The following PPP3CC variants were observed in gnomAD, a reference collection of about 807,000 sequenced individuals.
PPP3CC encodes the protein serine/threonine-protein phosphatase 2B catalytic subunit gamma isoform.
Under a neutral mutation model 60.3 loss-of-function variants are expected in PPP3CC, and 35 were observed. The ratio of observed to expected loss-of-function variants is 0.58; its 90% confidence interval spans 0.44 to 0.77. The LOEUF (loss-of-function observed/expected upper bound fraction) is 0.77, where lower values mean the gene tolerates loss of function less well. PPP3CC is among the 30% of genes least tolerant of loss of function. The pLI, the probability that PPP3CC is intolerant of heterozygous loss-of-function variation, is 0.00. For missense variants in PPP3CC, 570 were observed against 628.9 expected, an observed-to-expected ratio of 0.91 and a Z score of 1.00; for synonymous variants, 206 against 224.3, an observed-to-expected ratio of 0.92 and a Z score of 0.73.
At chr8:22,520,724 T>G (rs1385627589) in intron 6 of PPP3CC, among the ~76,000 whole-genome samples, 2 of 152,200 alleles carry the variant, frequency 1.3e-5, no homozygotes, top group African/African-American at 4.8e-5. Flanking sequence ...GCTTTCCTGA[T>G]TTTGTTTAGT....
chr8:22,521,176 C>G (rs1386377787), intron 6 of PPP3CC, among the ~76,000 whole-genome samples: 1 of 152,150 alleles, frequency 6.6e-6, no homozygotes, highest in Non-Finnish European at 1.5e-5. Context: ...ATGTTTGGGT[C>G]CAATCAGCAG....
intron 1 of PPP3CC, among the ~76,000 whole-genome samples, chr8:22,472,631 T>C (rs1195230724): frequency 6.6e-6 from 1 of 152,158 alleles, no homozygotes; most frequent in Non-Finnish European, 1.5e-5. Flanking sequence ...TTGGTTTATT[T>C]CTATTTTTCA....
intron 12 of PPP3CC, among the ~76,000 whole-genome samples, chr8:22,536,837 G>A (rs532425230): frequency 6.6e-6 from 1 of 152,334 alleles, no homozygotes; most frequent in South Asian, 2.1e-4. Flanking sequence ...ATATGGCCAT[G>A]TAACATACAT....
At position 22,540,803 on chromosome 8, in the gene PPP3CC, C is replaced by T. The variant is rs1839942750; in HGVS notation, c.*1C>T. 1.2e-6 allele frequency: 2 copies of T among 1,604,582 alleles called. No individual in the cohort carries two copies. The highest frequency in any genetic ancestry group is 2.7e-5 in the African/African-American group (2 of 74,766). ...CCAAGGGAAGAAAGCCCATTCATGA[C>T]TTAGAGTCCTGCCGTGGCTCAGGTG... On this transcript the variant is annotated 3_prime_UTR_variant, in exon 14 of 14. Coordinates refer to ENST00000240139, the MANE Select transcript of PPP3CC (RefSeq NM_005605.5).
chr8:22,485,090 T>C (rs1838185842), intron 3 of PPP3CC, among the ~76,000 whole-genome samples: 2 of 152,178 alleles, frequency 1.3e-5, no homozygotes, highest in African/African-American at 4.8e-5. Context: ...GAATGATCCT[T>C]ACGATGTTTG....
intron 1 of PPP3CC, among the ~76,000 whole-genome samples, chr8:22,450,809 TTATTTA>T (rs1481194443): frequency 1.3e-4 from 16 of 125,138 alleles, no homozygotes; most frequent in African/African-American, 4.7e-4. Context: ...TTTTATTTAT[TTATTTA>T]TTTATTTATT....
At chr8:22,457,372 G>A (rs1369523100) in intron 1 of PPP3CC, among the ~76,000 whole-genome samples, 2 of 150,376 alleles carry the variant, frequency 1.3e-5, no homozygotes, top group East Asian at 2.0e-4. Flanking sequence ...GCTGGATCTC[G>A]GCTCACTGCA....
intron 3 of PPP3CC, among the ~76,000 whole-genome samples, chr8:22,476,987 T>C (rs1333825391): frequency 2.0e-5 from 3 of 151,098 alleles, no homozygotes; most frequent in East Asian, 3.9e-4. Context: ...ATTCATTTAG[T>C]GTCAAATGTG....
At chr8:22,506,120 G>A (rs1838910108) in intron 4 of PPP3CC, among the ~76,000 whole-genome samples, 1 of 152,046 alleles carries the variant, frequency 6.6e-6, no homozygotes, top group Admixed American at 6.6e-5. Context: ...CTTTCAAATG[G>A]GAATTTCATC....
intron 3 of PPP3CC, among the ~76,000 whole-genome samples, chr8:22,485,557 G>T (rs1195752658): frequency 6.6e-6 from 1 of 152,154 alleles, no homozygotes; most frequent in African/African-American, 2.4e-5. Flanking sequence ...TGCAGAAGCC[G>T]TTAGAGGAGG....
At chr8:22,511,254 C>G in intron 5 of PPP3CC, 23 bp downstream of exon 5, 2 of 1,597,642 alleles carry the variant, frequency 1.3e-6, no homozygotes, top group African/African-American at 1.3e-5. Flanking sequence ...TTATTATTCT[C>G]ACAGGGAATA....
rs1289513360 is a variant in PPP3CC at position 22,472,549 on chromosome 8, C to G, written c.50-2405C>G. Among the ~76,000 whole-genome samples the G allele has an allele frequency of 5.3e-5, 8 of 152,032 alleles. 1 individual carries two copies. Among genetic ancestry groups the G allele is most frequent in the Non-Finnish European group, 7.4e-5 (5 of 68,022 alleles). On this transcript the variant is annotated intron_variant, in intron 1 of 13. Coordinates refer to ENST00000240139, the MANE Select transcript of PPP3CC (RefSeq NM_005605.5). ...GATAACAATACCTTCTTCTGGAAGT[C>G]CTCCTGAAGGACCTGCCTGAGGCTC...
intron 4 of PPP3CC, among the ~76,000 whole-genome samples, chr8:22,505,428 G>A (rs539156671): frequency 8.7e-4 from 133 of 152,230 alleles, no homozygotes; most frequent in African/African-American, 3.2e-3. Flanking sequence ...ATGACAACTG[G>A]ATTTTTTAAA....
At chr8:22,521,553 A>G (rs534556779) in intron 6 of PPP3CC, among the ~76,000 whole-genome samples, 4 of 152,232 alleles carry the variant, frequency 2.6e-5, no homozygotes, top group Admixed American at 6.5e-5. Context: ...TTACAATGGC[A>G]CTTATGGCCA....
intron 6 of PPP3CC, among the ~76,000 whole-genome samples, chr8:22,520,277 A>G (rs940512221): frequency 6.6e-6 from 1 of 152,060 alleles, no homozygotes; most frequent in Admixed American, 6.5e-5. Context: ...TTGAGTTTTA[A>G]CAACTTAATT....
intron 1 of PPP3CC, among the ~76,000 whole-genome samples, chr8:22,469,252 C>T (rs139060166): frequency 6.6e-6 from 1 of 152,052 alleles, no homozygotes; most frequent in Non-Finnish European, 1.5e-5. Flanking sequence ...AGACAAATAT[C>T]ATATATTCTC....
intron 3 of PPP3CC, among the ~76,000 whole-genome samples, chr8:22,480,207 C>T (rs1838019471): frequency 6.6e-6 from 1 of 152,074 alleles, no homozygotes; most frequent in South Asian, 2.1e-4. Context: ...TTTGTTATTT[C>T]TATTATAGAT....
chr8:22,540,821 C>G lies in PPP3CC; in HGVS notation c.*19C>G. On this transcript the variant is annotated 3_prime_UTR_variant, in exon 14 of 14. Transcript: ENST00000240139. ...TTCATGACTTAGAGTCCTGCCGTGG[C>G]TCAGGTGGATCTAAAACTCAAGAAC... is the stretch of plus-strand genomic sequence containing the variant. 6.4e-7 allele frequency: 1 copy of G among 1,561,250 alleles called. No homozygotes were observed. The highest frequency in any genetic ancestry group is 8.7e-7 in the Non-Finnish European group (1 of 1,153,024).
In PPP3CC at chr8:22,496,485, CTTTTTTTTT is replaced by C. The variant is rs71206523; in HGVS notation, c.373-1494_373-1486del. ...AAGTTAAATTAGGGAGAACTGTAAT[CTTTTTTTTT>C]TTTTTTTTTTTTTTTTTTTTTGAGA... On this transcript the variant is annotated intron_variant, in intron 3 of 13. Transcript: ENST00000240139. Among the ~76,000 whole-genome samples the C allele has an allele frequency of 2.5e-3, 110 of 43,568 alleles. No homozygotes were observed. The East Asian group carries it at 0.026, about 10-fold the overall frequency. 28.6% of individuals were successfully genotyped at this position (43,568 alleles called of 152,430 possible).
Sources: gnomAD v4.1 joint callset for allele counts (sites outside exome capture counted in the v4.1 genomes callset) on GRCh38, gnomAD v4.1.1 for gene constraint, MANE v1.5 for transcripts, NCBI Gene and HGNC (gene_info 2026-07-23, HGNC 2026-07-21) for gene names.